Variants in CMTM4 observed in about 807,000 individuals in gnomAD.
The protein encoded by CMTM4 is CKLF like MARVEL transmembrane domain containing 4, also known as CKLF-like MARVEL transmembrane domain-containing protein 4.
A neutral mutation model predicts 19.0 loss-of-function variants in CMTM4; 8 were observed. That is an observed-to-expected ratio of 0.42 (90% CI 0.25 to 0.76). CMTM4 has a LOEUF of 0.76. Ranked by LOEUF, CMTM4 falls within the 30% of genes least tolerant of loss-of-function variation. CMTM4 has a pLI of 0.27. For missense variants in CMTM4, 228 were observed against 290.2 expected (o/e 0.79, Z 1.56); for synonymous variants, 106 against 121.1 (o/e 0.88, Z 0.82).
intron 2 of CMTM4, among the ~76,000 whole-genome samples, chr16:66,635,090 G>A (rs950542523): frequency 6.6e-6 from 1 of 152,162 alleles, no homozygotes; most frequent in East Asian, 1.9e-4. Flanking sequence ...TCCATAGTAT[G>A]AGCATTTTAA....
chr16:66,632,372 TG>T (rs1337215531), intron 2 of CMTM4, among the ~76,000 whole-genome samples: 1 of 152,052 alleles, frequency 6.6e-6, no homozygotes, highest in Non-Finnish European at 1.5e-5. Context: ...GATGGTGGAC[TG>T]GGGGAAGGGG....
At chr16:66,649,917 G>C (rs1034356666) in intron 1 of CMTM4, among the ~76,000 whole-genome samples, 1 of 152,174 alleles carries the variant, frequency 6.6e-6, no homozygotes, top group Non-Finnish European at 1.5e-5. Context: ...AACCCTGATC[G>C]TTTTGTGGCA....
At chr16:66,608,598 A>G in the CMTM4 span, 1 of 826,198 alleles carries the variant, frequency 1.2e-6, no homozygotes. This position sits in a 1 kb window ranked among gnomAD's most constrained non-coding sequence, Gnocchi z 5.1. Context: ...CTGGATGGAG[A>G]GACCCAGCTT....
the CMTM4 span, among the ~76,000 whole-genome samples, chr16:66,601,175 TG>T: frequency 2.0e-5 from 3 of 151,692 alleles, no homozygotes; most frequent in Admixed American, 2.0e-4. Flanking sequence ...ACAGGATCTT[TG>T]GGGTGTTAAT....
intron 1 of CMTM4, among the ~76,000 whole-genome samples, chr16:66,651,183 C>A (rs761732598): frequency 4.4e-4 from 67 of 152,064 alleles, no homozygotes; most frequent in Non-Finnish European, 5.9e-4. Context: ...TCTTAGCAAC[C>A]AACAGGGGAT....
intron 1 of CMTM4, among the ~76,000 whole-genome samples, chr16:66,665,373 T>C (rs558695956): frequency 1.3e-5 from 2 of 151,798 alleles, no homozygotes; most frequent in African/African-American, 2.4e-5. Context: ...ATAAAATCTT[T>C]ATAAGCTGAG....
intron 2 of CMTM4, among the ~76,000 whole-genome samples, chr16:66,635,675 C>T (rs982646772): frequency 6.6e-6 from 1 of 152,184 alleles, no homozygotes; most frequent in Admixed American, 6.5e-5. Context: ...GTGAGGCAGC[C>T]GACTGTGCTT....
intron 1 of CMTM4, among the ~76,000 whole-genome samples, chr16:66,646,071 G>A (rs1487474517): frequency 1.3e-5 from 2 of 152,280 alleles, no homozygotes; most frequent in Non-Finnish European, 2.9e-5. Context: ...GCAGAGAGAT[G>A]GGGGATTCTG....
At chr16:66,672,318 TC>T (rs2016722938) in intron 1 of CMTM4, among the ~76,000 whole-genome samples, 1 of 147,614 alleles carries the variant, frequency 6.8e-6, no homozygotes, top group Non-Finnish European at 1.5e-5. Flanking sequence ...AGCAGGAGAA[TC>T]ACTTGAACCC....
At chr16:66,613,072 G>A (rs1354564275), downstream of CMTM4, 8 of 703,018 alleles carry the variant, frequency 1.1e-5, no homozygotes, top group South Asian at 1.2e-4. Context: ...GCCCCGGTGG[G>A]TTTGTCTGCA....
At chr16:66,609,605 GA>G in the CMTM4 span, 1 of 1,522,390 alleles carries the variant, frequency 6.6e-7, no homozygotes, top group Non-Finnish European at 8.9e-7. This position sits in a 1 kb window ranked among gnomAD's most constrained non-coding sequence, Gnocchi z 4.4. Flanking sequence ...ACCTGGGGCA[GA>G]GCCTTTCCCT....
intron 1 of CMTM4, among the ~76,000 whole-genome samples, chr16:66,692,422 C>G (rs1567436535): frequency 2.0e-5 from 3 of 152,260 alleles, no homozygotes; most frequent in African/African-American, 7.2e-5. Context: ...AAAGGTAAGT[C>G]TCAAACTTTA....
At chr16:66,690,228 G>T (rs1185282883) in intron 1 of CMTM4, among the ~76,000 whole-genome samples, 1 of 152,210 alleles carries the variant, frequency 6.6e-6, no homozygotes, top group Non-Finnish European at 1.5e-5. Flanking sequence ...TGACTTCAGG[G>T]ATAAATGGGA....
chr16:66,651,248 AC>A (rs1202442974), intron 1 of CMTM4, among the ~76,000 whole-genome samples: 4 of 152,090 alleles, frequency 2.6e-5, no homozygotes, highest in African/African-American at 9.7e-5. Context: ...GCCTCTCCGC[AC>A]CATCTTTCAC....
At chr16:66,654,596 T>G (rs1343729527) in intron 1 of CMTM4, among the ~76,000 whole-genome samples, 4 of 152,164 alleles carry the variant, frequency 2.6e-5, no homozygotes. Context: ...AAAATCCTCT[T>G]GCCGTTAGCA....
At chr16:66,679,329 C>G (rs1199858920) in intron 1 of CMTM4, among the ~76,000 whole-genome samples, 1 of 152,072 alleles carries the variant, frequency 6.6e-6, no homozygotes, top group Non-Finnish European at 1.5e-5. Flanking sequence ...TTCCTCATCA[C>G]TTTTACTGGT....
At chr16:66,607,638 T>C in the CMTM4 span, among the ~76,000 whole-genome samples, 7 of 152,046 alleles carry the variant, frequency 4.6e-5, no homozygotes, top group African/African-American at 1.4e-4. Context: ...GTCTTTGGTG[T>C]TGGGTGTTAC....
intron 2 of CMTM4, among the ~76,000 whole-genome samples, chr16:66,635,238 A>G (rs914880255): frequency 3.9e-5 from 6 of 152,228 alleles, no homozygotes; most frequent in Non-Finnish European, 8.8e-5. Flanking sequence ...AAATGCTTCT[A>G]GTTATCTTGA....
At chr16:66,609,520 A>G in the CMTM4 span, 5 of 1,602,026 alleles carry the variant, frequency 3.1e-6, no homozygotes, top group Non-Finnish European at 3.4e-6. The surrounding 1 kb of genome is among the most constrained non-coding windows in gnomAD (Gnocchi z 4.4). Context: ...GGGGCTTCCA[A>G]AGCCGCTGGG....
Sources: allele counts gnomAD v4.1 joint callset (sites outside exome capture counted in the v4.1 genomes callset), GRCh38; gene constraint gnomAD v4.1.1; non-coding constraint Gnocchi (gnomAD v3.1); transcripts MANE v1.5; gene names NCBI Gene and HGNC (gene_info 2026-07-23, HGNC 2026-07-21).